The following RANBP2 variants were observed in gnomAD, a reference collection of about 807,000 sequenced individuals.
The protein encoded by RANBP2 is RAN binding protein 2.
Under a neutral mutation model 303.6 loss-of-function variants are expected in RANBP2, and 57 were observed. That is an observed-to-expected ratio of 0.19 (90% CI 0.15 to 0.23). The LOEUF is 0.23. Ranked by LOEUF, RANBP2 falls within the 10% of genes least tolerant of loss-of-function variation. The probability of loss-of-function intolerance (pLI) is 1.00; values close to 1 mark genes in which losing one functional copy is unlikely to be tolerated. For synonymous variants in RANBP2, 1,167 were observed against 1,301.5 expected (o/e 0.90, Z 2.23); for missense variants, 3,138 against 3,780.8 (o/e 0.83, Z 4.46).
At chr2:108,921,566 G>T in the RANBP2 span, among the ~76,000 whole-genome samples, 4 of 152,226 alleles carry the variant, frequency 2.6e-5, no homozygotes, top group Non-Finnish European at 5.9e-5. Flanking sequence ...AATGTTTGCT[G>T]CCCAGAGTGG....
the RANBP2 span, among the ~76,000 whole-genome samples, chr2:109,556,086 T>C: frequency 9.2e-5 from 14 of 152,210 alleles, no homozygotes; most frequent in Non-Finnish European, 1.3e-4. Context: ...TAAATGTTCA[T>C]AGAATGACAA....
the RANBP2 span, among the ~76,000 whole-genome samples, chr2:108,988,074 G>A: frequency 2.1e-4 from 32 of 152,302 alleles, no homozygotes; most frequent in Admixed American, 2.0e-3. Flanking sequence ...TGGTGCTCCT[G>A]TCTCTCCGTA....
At chr2:109,701,941 C>A in the RANBP2 span, among the ~76,000 whole-genome samples, 29 of 152,220 alleles carry the variant, frequency 1.9e-4, no homozygotes, top group African/African-American at 7.0e-4. Context: ...TGTGCTGTTT[C>A]ACCACACACC....
chr2:109,579,779 C>T, the RANBP2 span, among the ~76,000 whole-genome samples: 616 of 152,090 alleles, frequency 4.1e-3, 2 homozygotes, highest in Non-Finnish European at 7.1e-3. Flanking sequence ...AATGAAAACT[C>T]CTTAAACTCC....
At chr2:109,148,264 C>G in the RANBP2 span, among the ~76,000 whole-genome samples, 5 of 152,060 alleles carry the variant, frequency 3.3e-5, no homozygotes. Context: ...AGATGGGCCC[C>G]GATCATGCCA....
chr2:108,883,703 G>T, the RANBP2 span: 3 of 152,296 alleles, frequency 2.0e-5, no homozygotes, highest in Admixed American at 6.5e-5. Context: ...GCCAGTGGGG[G>T]TTGCCATCAG....
At chr2:109,270,144 C>A in the RANBP2 span, among the ~76,000 whole-genome samples, 1 of 152,230 alleles carries the variant, frequency 6.6e-6, no homozygotes, top group East Asian at 1.9e-4. Context: ...TCTCAGCCCC[C>A]ACCTGGGGGT....
the RANBP2 span, chr2:108,930,377 G>A: frequency 0.011 from 9,965 of 914,292 alleles, 614 homozygotes; most frequent in African/African-American, 0.14. Context: ...CTGGGAAGGT[G>A]CCCGCTTGTG....
At chr2:109,622,900 G>C in the RANBP2 span, among the ~76,000 whole-genome samples, 1 of 152,224 alleles carries the variant, frequency 6.6e-6, no homozygotes, top group Non-Finnish European at 1.5e-5. Flanking sequence ...GGCTGAGGCA[G>C]GTGGATCACC....
chr2:109,176,622 A>G, the RANBP2 span, among the ~76,000 whole-genome samples: 1 of 152,220 alleles, frequency 6.6e-6, no homozygotes, highest in African/African-American at 2.4e-5. Flanking sequence ...CTGTAGTCCC[A>G]GCAACCCAGA....
intron 24 of RANBP2, 80 bp from the exon 25 acceptor site, chr2:108,777,050 T>C: frequency 1.7e-6 from 2 of 1,171,190 alleles, no homozygotes; most frequent in Admixed American, 4.1e-5. Context: ...AAGTCTCTAC[T>C]GTTCTCTCTA....
At chr2:108,795,591 G>GT in the RANBP2 span, among the ~76,000 whole-genome samples, 1 of 152,210 alleles carries the variant, frequency 6.6e-6, no homozygotes, top group Non-Finnish European at 1.5e-5. Context: ...TTTAAAACCA[G>GT]TATTTCGTTT....
the RANBP2 span, among the ~76,000 whole-genome samples, chr2:108,795,920 T>C: frequency 1.3e-5 from 2 of 152,204 alleles, no homozygotes; most frequent in African/African-American, 4.8e-5. Flanking sequence ...GATAACACTT[T>C]ATAGGATAAA....
At chr2:108,753,759 C>G in intron 14 of RANBP2, 66 bp from the exon 15 acceptor site, 1 of 1,611,058 alleles carries the variant, frequency 6.2e-7, no homozygotes, top group Non-Finnish European at 8.5e-7. Flanking sequence ...AGCCACCATG[C>G]GTGGCCAAGC....
chr2:109,250,982 T>C, the RANBP2 span, among the ~76,000 whole-genome samples: 1 of 152,078 alleles, frequency 6.6e-6, no homozygotes, highest in African/African-American at 2.4e-5. Context: ...TAGCTTTTTT[T>C]TTCAAATTAT....
chr2:108,826,205 AGTT>A, the RANBP2 span, among the ~76,000 whole-genome samples: 1 of 152,198 alleles, frequency 6.6e-6, no homozygotes, highest in African/African-American at 2.4e-5. Flanking sequence ...TCCATTCAGT[AGTT>A]GTCTGTTGAC....
At chr2:109,613,520 G>C in the RANBP2 span, 1 of 236,162 alleles carries the variant, frequency 4.2e-6, no homozygotes, top group African/African-American at 2.3e-5. Flanking sequence ...TGTAACTTTT[G>C]GCAAAGACCG....
At position 108,776,158 on chromosome 2, in the gene RANBP2, A is replaced by G. The variant is rs113952512; in HGVS notation, c.8497+222A>G. On this transcript the variant is annotated intron_variant, in intron 24 of 28. Transcript: ENST00000283195. The stretch of plus-strand genomic sequence containing the variant: ...TAGAGTTGTGGTTATTAGGGAATAC[A>G]AAGCATTATGATTCTGACCTATTTT... Among the ~76,000 whole-genome samples, 926 of 152,286 alleles carry G rather than the reference A, an allele frequency of 6.1e-3. 8 individuals are homozygous for G. Among genetic ancestry groups the G allele is most frequent in the Non-Finnish European group, 6.6e-3 (450 of 68,002 alleles).
chr2:109,323,053 T>C, the RANBP2 span, among the ~76,000 whole-genome samples: 1 of 152,216 alleles, frequency 6.6e-6, no homozygotes, highest in African/African-American at 2.4e-5. Flanking sequence ...AAATGTTTTA[T>C]CAGAGACAGG....
Sources: gnomAD v4.1 joint callset for allele counts (sites outside exome capture counted in the v4.1 genomes callset) on GRCh38, gnomAD v4.1.1 for gene constraint, MANE v1.5 for transcripts, NCBI Gene and HGNC (gene_info 2026-07-23, HGNC 2026-07-21) for gene names.